PTPRD: variants seen among roughly 807,000 people sequenced by gnomAD.
PTPRD encodes receptor-type tyrosine-protein phosphatase delta.
A neutral mutation model predicts 214.5 loss-of-function variants in PTPRD; 34 were observed. The observed-to-expected ratio is 0.16, with a 90% CI of 0.12 to 0.21. The LOEUF (loss-of-function observed/expected upper bound fraction) is 0.21, where lower values mean the gene tolerates loss of function less well. PTPRD is among the 10% of genes least tolerant of loss of function. The pLI is 1.00. For synonymous variants in PTPRD, 1,128 were observed against 845.7 expected (o/e 1.33, Z -5.79); for missense variants, 2,545 against 2,398.7 (o/e 1.06, Z -1.27).
intron 11 of PTPRD, among the ~76,000 whole-genome samples, chr9:8,999,533 T>G (rs1476536766): frequency 6.6e-6 from 1 of 152,114 alleles, no homozygotes; most frequent in Non-Finnish European, 1.5e-5. Flanking sequence ...ACAGAACTTT[T>G]ATATGCTCTA....
At chr9:9,397,287 A>G (rs2068258073) in intron 9 of PTPRD, among the ~76,000 whole-genome samples, 162 bp downstream of exon 9, 1 of 152,032 alleles carries the variant, frequency 6.6e-6, no homozygotes. Context: ...CTTACTTTTA[A>G]TTGAAAAGAA....
At chr9:9,131,809 T>C (rs1321173354) in intron 10 of PTPRD, among the ~76,000 whole-genome samples, 1 of 152,246 alleles carries the variant, frequency 6.6e-6, no homozygotes, top group Non-Finnish European at 1.5e-5. Context: ...GAGATGAATG[T>C]ACGTAGTGGT....
intron 39 of PTPRD, among the ~76,000 whole-genome samples, chr9:8,375,670 C>T (rs1167883629): frequency 6.6e-6 from 1 of 151,992 alleles, no homozygotes; most frequent in Non-Finnish European, 1.5e-5. Flanking sequence ...TAGCCATGTG[C>T]CCACTTAATT....
chr9:8,490,887 T>A (rs1415316510), intron 27 of PTPRD, among the ~76,000 whole-genome samples: 1 of 152,180 alleles, frequency 6.6e-6, no homozygotes, highest in Non-Finnish European at 1.5e-5. Context: ...CTGAATTCTT[T>A]GTGGGAGCTG....
chr9:10,390,788 T>C (rs1163309475), intron 2 of PTPRD, among the ~76,000 whole-genome samples: 4 of 151,786 alleles, frequency 2.6e-5, no homozygotes, highest in Non-Finnish European at 4.4e-5. Context: ...TTTATTCATA[T>C]GACACATGTC....
chr9:10,534,730 A>G (rs10959154), intron 2 of PTPRD, among the ~76,000 whole-genome samples: 28,286 of 152,070 alleles, frequency 0.19, 2,967 homozygotes, highest in Admixed American at 0.28. Flanking sequence ...AAAAAAGCAG[A>G]TTACTTTTAA....
At chr9:8,410,198 G>A (rs2093403160) in intron 35 of PTPRD, among the ~76,000 whole-genome samples, 1 of 152,200 alleles carries the variant, frequency 6.6e-6, no homozygotes, top group Admixed American at 6.5e-5. Context: ...ATTAGTAAAA[G>A]CCTGCAATTG....
chr9:8,493,995 CACAG>C (rs1183047389), intron 26 of PTPRD, among the ~76,000 whole-genome samples: 5 of 145,274 alleles, frequency 3.4e-5, no homozygotes, highest in Admixed American at 7.0e-5. Context: ...CACAGACACA[CACAG>C]ACACACAGAC....
chr9:9,121,556 T>A (rs2099817635), intron 10 of PTPRD, among the ~76,000 whole-genome samples: 1 of 152,104 alleles, frequency 6.6e-6, no homozygotes, highest in Admixed American at 6.6e-5. Flanking sequence ...TTATTCTAAG[T>A]GAAGTAACTC....
chr9:10,533,739 C>T (rs189560908), intron 2 of PTPRD, among the ~76,000 whole-genome samples: 2 of 151,986 alleles, frequency 1.3e-5, no homozygotes, highest in African/African-American at 4.8e-5. Flanking sequence ...AAATAATCGA[C>T]AGGCTAGTAA....
intron 2 of PTPRD, among the ~76,000 whole-genome samples, chr9:10,365,732 T>C (rs887740026): frequency 1.1e-4 from 17 of 152,108 alleles, no homozygotes; most frequent in Non-Finnish European, 2.5e-4. Context: ...TATTTTCTAC[T>C]TCATAACTTT....
chr9:8,659,935 G>A lies in PTPRD; in HGVS notation c.65-23091C>T, dbSNP rs191176661. On this transcript the variant is annotated intron_variant, in intron 12 of 45. Coordinates refer to ENST00000381196, the MANE Select transcript of PTPRD (RefSeq NM_002839.4). ...AATGAAGAATAAATGTAGAGAGAGA[G>A]AGAGAGACTGGTTCAAAAGATAATG... Among the ~76,000 whole-genome samples the A allele has an allele frequency of 2.0e-4, 31 of 152,278 alleles. 1 individual carries two copies. The East Asian group carries it at 6.0e-3, about 29-fold the overall frequency.
chr9:9,376,555 T>C (rs1430946316), intron 9 of PTPRD, among the ~76,000 whole-genome samples: 2 of 152,178 alleles, frequency 1.3e-5, no homozygotes, highest in Admixed American at 6.6e-5. Flanking sequence ...ATTTAATTAC[T>C]GATATCCTAC....
At chr9:9,937,628 T>C (rs185368400) in intron 5 of PTPRD, among the ~76,000 whole-genome samples, 2 of 152,172 alleles carry the variant, frequency 1.3e-5, no homozygotes, top group Non-Finnish European at 2.9e-5. Flanking sequence ...ATTTCATAAA[T>C]AGACCAAATA....
At chr9:10,090,917 T>C (rs1590888281) in intron 3 of PTPRD, among the ~76,000 whole-genome samples, 2 of 53,006 alleles carry the variant, frequency 3.8e-5, no homozygotes, top group East Asian at 2.1e-3. Flanking sequence ...ATAAATGAAA[T>C]ATACACACAC....
At chr9:9,490,263 C>A (rs1427845097) in intron 8 of PTPRD, among the ~76,000 whole-genome samples, 2 of 151,936 alleles carry the variant, frequency 1.3e-5, no homozygotes, top group Non-Finnish European at 2.9e-5. Context: ...TCAAGGGAAT[C>A]CTGGAGGGTG....
chr9:9,287,308 G>T lies in PTPRD; in HGVS notation c.-202-103945C>A, dbSNP rs565000675. On this transcript the variant is annotated intron_variant, in intron 9 of 45. Coordinates refer to ENST00000381196, the MANE Select transcript of PTPRD (RefSeq NM_002839.4). Reference sequence around the variant, plus strand: ...AGCCCCATTTAAAAATGACCCAGTTGCCATGTGTCTAACTACTATTTCATC... The same window carrying T: ...AGCCCCATTTAAAAATGACCCAGTTTCCATGTGTCTAACTACTATTTCATC... Among the ~76,000 whole-genome samples, 6 of 151,828 alleles carry T rather than the reference G, an allele frequency of 4.0e-5. No homozygotes were observed. The East Asian group carries it at 1.2e-3, about 30-fold the overall frequency.
chr9:9,413,515 A>G (rs2076150757), intron 8 of PTPRD, among the ~76,000 whole-genome samples: 1 of 152,220 alleles, frequency 6.6e-6, no homozygotes, highest in African/African-American at 2.4e-5. Context: ...ATAATGGACT[A>G]TGCTGTCAGA....
chr9:9,907,012 A>G (rs981216491), intron 5 of PTPRD, among the ~76,000 whole-genome samples: 7 of 151,826 alleles, frequency 4.6e-5, no homozygotes, highest in African/African-American at 1.7e-4. Context: ...AGGAAAAATT[A>G]CCTAAGTTTT....
Sources: gnomAD v4.1 joint callset for allele counts (sites outside exome capture counted in the v4.1 genomes callset) on GRCh38, gnomAD v4.1.1 for gene constraint, MANE v1.5 for transcripts, NCBI Gene and HGNC (gene_info 2026-07-23, HGNC 2026-07-21) for gene names.